The following TLE1 variants were observed in gnomAD, a reference collection of about 807,000 sequenced individuals.
TLE1 encodes transducin-like enhancer protein 1.
TLE1 carries 21 observed loss-of-function variants against 89.8 expected under a neutral mutation model. The ratio of observed to expected loss-of-function variants is 0.23; its 90% confidence interval spans 0.17 to 0.34. The LOEUF is 0.34. Ranked by LOEUF, TLE1 falls within the 10% of genes least tolerant of loss-of-function variation. The pLI, the probability that TLE1 is intolerant of heterozygous loss-of-function variation, is 1.00. For missense variants in TLE1, 795 were observed against 1,031.2 expected, an observed-to-expected ratio of 0.77 and a Z score of 3.14; for synonymous variants, 447 against 407.6, an observed-to-expected ratio of 1.10 and a Z score of -1.16.
chr9:81,661,988 A>G (rs1282358782), intron 4 of TLE1, among the ~76,000 whole-genome samples: 1 of 152,180 alleles, frequency 6.6e-6, no homozygotes, highest in Non-Finnish European at 1.5e-5. Context: ...AAGAGCATGA[A>G]ATTATTCAAA....
intron 4 of TLE1, among the ~76,000 whole-genome samples, chr9:81,681,077 G>A (rs1833563289): frequency 6.6e-6 from 1 of 152,046 alleles, no homozygotes; most frequent in Admixed American, 6.5e-5. Context: ...ATTTTTCTAA[G>A]AGAAATTTTA....
At chr9:81,610,381 A>T in intron 13 of TLE1, 85 bp from the exon 14 acceptor site, 1 of 966,944 alleles carries the variant, frequency 1.0e-6, no homozygotes, top group Non-Finnish European at 1.6e-6. Flanking sequence ...AGAAACTCAC[A>T]GATCCCCAAA....
chr9:81,634,715 C>T (rs1019924986), intron 6 of TLE1, among the ~76,000 whole-genome samples: 1 of 152,098 alleles, frequency 6.6e-6, no homozygotes, highest in Admixed American at 6.5e-5. Context: ...ATCTAAGATG[C>T]CACAGATTTT....
In TLE1 at chr9:81,584,033, T is replaced by TG; in HGVS notation, c.*164dup. On this transcript the variant is annotated 3_prime_UTR_variant, in exon 20 of 20. Transcript: ENST00000376499. ...ATGTAGACAGGTGACTTTCTGCTGA[T>TG]GGACTTGTCGCCTCCTCTTTGTAGA... 1 of 634,650 alleles carries TG rather than the reference T, an allele frequency of 1.6e-6. No homozygotes were observed. Among genetic ancestry groups the TG allele is most frequent in the Non-Finnish European group, 2.7e-6 (1 of 366,226 alleles). 39.3% of individuals were successfully genotyped at this position (634,650 alleles called of 1,614,324 possible). A position where few individuals can be genotyped will look rare whatever the true frequency, so the allele number is the denominator to read the frequency against.
chr9:81,688,293 A>C lies in TLE1; in HGVS notation c.-53T>G. 1.3e-6 allele frequency: 2 copies of C among 1,512,504 alleles called. No homozygotes were observed. Among genetic ancestry groups the C allele is most frequent in the Middle Eastern group, 2.0e-4 (1 of 5,034 alleles). The allele number at this position is 1,512,504 out of a possible 1,614,324, so 93.7% of individuals were successfully genotyped here. On this transcript the variant is annotated 5_prime_UTR_variant, in exon 1 of 20. Coordinates refer to ENST00000376499, the MANE Select transcript of TLE1 (RefSeq NM_005077.5). ...CCCCGGCAACTCAATTCTCCGGTCA[A>C]TTTCCAACTTTAATCCCGCCGAGGA...
intron 4 of TLE1, among the ~76,000 whole-genome samples, chr9:81,656,644 G>C (rs146748510): frequency 4.6e-5 from 7 of 152,184 alleles, no homozygotes; most frequent in Non-Finnish European, 8.8e-5. Flanking sequence ...TAATACCAAG[G>C]GGTTTCCGTT....
chr9:81,613,592 G>A, intron 11 of TLE1, 71 bp from the exon 12 acceptor site: 1 of 1,560,516 alleles, frequency 6.4e-7, no homozygotes, highest in Non-Finnish European at 8.7e-7. Flanking sequence ...TATCACAACA[G>A]CAGCTGGGAC....
chr9:81,608,954 A>G (rs1054255173), intron 14 of TLE1, among the ~76,000 whole-genome samples: 1 of 152,036 alleles, frequency 6.6e-6, no homozygotes, highest in African/African-American at 2.4e-5. Context: ...TAAAAAAAAG[A>G]AAGAAAGAAA....
At chr9:81,604,899 G>A (rs1484608481) in intron 14 of TLE1, among the ~76,000 whole-genome samples, 1 of 152,010 alleles carries the variant, frequency 6.6e-6, no homozygotes, top group Non-Finnish European at 1.5e-5. Context: ...CCCTAATTTT[G>A]GTCACTTCTT....
intron 4 of TLE1, among the ~76,000 whole-genome samples, chr9:81,661,001 G>A (rs1830718914): frequency 1.4e-5 from 2 of 147,142 alleles, no homozygotes; most frequent in Non-Finnish European, 3.0e-5. Context: ...GTGGTGGCAC[G>A]TGCCTGTAGT....
intron 8 of TLE1, among the ~76,000 whole-genome samples, chr9:81,631,046 GAAAT>G (rs1386670760): frequency 6.6e-6 from 1 of 152,146 alleles, no homozygotes; most frequent in African/African-American, 2.4e-5. Flanking sequence ...AATATTCATT[GAAAT>G]GATTAGAACT....
In TLE1 at chr9:81,627,318, CTTTT is replaced by C. The variant is rs56255759; in HGVS notation, c.594+6026_594+6029del. 2.7e-5 allele frequency among the ~76,000 whole-genome samples: 4 copies of C among 147,722 alleles called. No individual in the cohort carries two copies. The South Asian group carries it at 8.6e-4, about 32-fold the overall frequency. On this transcript the variant is annotated intron_variant, in intron 8 of 19. Transcript: ENST00000376499. Reference sequence around the variant, plus strand: ...TTTGGAGGGAAAAATTGTTCTCTCACTTTTTTTTTTTTAAGAGTAAAGATGCCCT... The same window carrying C: ...TTTGGAGGGAAAAATTGTTCTCTCACTTTTTTTTAAGAGTAAAGATGCCCT...
chr9:81,627,040 T>C (rs1003235781), intron 8 of TLE1, among the ~76,000 whole-genome samples: 3 of 152,126 alleles, frequency 2.0e-5, no homozygotes, highest in African/African-American at 7.2e-5. Context: ...CCAGCCCCTG[T>C]TGAAATACTT....
At position 81,667,722 on chromosome 9, in the gene TLE1, C is replaced by G. The variant is rs375045790; in HGVS notation, c.235-13686G>C. Among the ~76,000 whole-genome samples, 437 of 152,274 alleles carry G rather than the reference C, an allele frequency of 2.9e-3. 5 individuals carry two copies. Among genetic ancestry groups the G allele is most frequent in the African/African-American group, 9.8e-3 (406 of 41,548 alleles). On this transcript the variant is annotated intron_variant, in intron 4 of 19. Transcript: ENST00000376499. Reference sequence around the variant, plus strand: ...CCCTTGAGCTGTATTCCTGCTCCCCCCCAAGCTGAGTGGCTGGGGAGAGGT... The same window carrying G: ...CCCTTGAGCTGTATTCCTGCTCCCCGCCAAGCTGAGTGGCTGGGGAGAGGT...
intron 4 of TLE1, among the ~76,000 whole-genome samples, chr9:81,654,688 AT>A (rs1829954193): frequency 6.6e-6 from 1 of 152,140 alleles, no homozygotes; most frequent in East Asian, 1.9e-4. Context: ...TTATGTCATT[AT>A]TGCAAGTTCA....
chr9:81,680,957 G>A (rs952137628), intron 4 of TLE1, among the ~76,000 whole-genome samples: 4 of 149,782 alleles, frequency 2.7e-5, no homozygotes, highest in African/African-American at 7.3e-5. Flanking sequence ...AAAACACTAA[G>A]GTAAAATTTG....
At chr9:81,653,543 G>A (rs73647840) in intron 5 of TLE1, among the ~76,000 whole-genome samples, 1,863 of 152,162 alleles carry the variant, frequency 0.012, 51 homozygotes, top group African/African-American at 0.042. Flanking sequence ...CCCCTTCAAG[G>A]ACAGCATTAA....
chr9:81,636,077 C>T (rs544171200), intron 6 of TLE1, among the ~76,000 whole-genome samples: 16 of 152,232 alleles, frequency 1.1e-4, no homozygotes, highest in Admixed American at 8.5e-4. Flanking sequence ...GAGCATGGTT[C>T]TAATTAGAAG....
chr9:81,678,474 G>T (rs1176056924), intron 4 of TLE1, among the ~76,000 whole-genome samples: 1 of 152,166 alleles, frequency 6.6e-6, no homozygotes, highest in Non-Finnish European at 1.5e-5. Flanking sequence ...CTGGAGCTGG[G>T]ATTATAGGCA....
Sources: gnomAD v4.1 joint callset for allele counts (sites outside exome capture counted in the v4.1 genomes callset) on GRCh38, gnomAD v4.1.1 for gene constraint, MANE v1.5 for transcripts, NCBI Gene and HGNC (gene_info 2026-07-23, HGNC 2026-07-21) for gene names.